UNC5D: variants seen among roughly 807,000 people sequenced by gnomAD.
The protein encoded by UNC5D is unc-5 netrin receptor D, also known as netrin receptor UNC5D.
A neutral mutation model predicts 105.4 loss-of-function variants in UNC5D; 39 were observed. The ratio of observed to expected loss-of-function variants is 0.37; its 90% CI spans 0.29 to 0.48. UNC5D has a LOEUF of 0.48. UNC5D is among the 20% of genes least tolerant of loss of function. The pLI, the probability that UNC5D is intolerant of heterozygous loss-of-function variation, is 0.98. For missense variants in UNC5D, 991 were observed against 1,202.4 expected, an observed-to-expected ratio of 0.82 and a Z score of 2.60; for synonymous variants, 452 against 450.4, an observed-to-expected ratio of 1.00 and a Z score of -0.04.
intron 2 of UNC5D, among the ~76,000 whole-genome samples, chr8:35,556,955 G>T (rs537066120): frequency 1.3e-5 from 2 of 152,260 alleles, no homozygotes; most frequent in Non-Finnish European, 2.9e-5. Flanking sequence ...GATACAAGTG[G>T]TACAATATAT....
At chr8:35,320,211 G>A (rs957570287) in intron 1 of UNC5D, among the ~76,000 whole-genome samples, 2 of 151,946 alleles carry the variant, frequency 1.3e-5, no homozygotes, top group Non-Finnish European at 2.9e-5. Context: ...TCGAAGTGGG[G>A]GTGGGGGGCA....
intron 4 of UNC5D, among the ~76,000 whole-genome samples, chr8:35,608,023 G>A (rs1341211122): frequency 1.3e-5 from 2 of 152,010 alleles, no homozygotes; most frequent in Non-Finnish European, 2.9e-5. Context: ...CTGTAATCCT[G>A]CATGGCCTCA....
At chr8:35,335,075 C>T (rs1056523939) in intron 1 of UNC5D, among the ~76,000 whole-genome samples, 8 of 152,086 alleles carry the variant, frequency 5.3e-5, no homozygotes, top group African/African-American at 1.7e-4. Context: ...AAAATTTTTT[C>T]ACTTTGTTTG....
intron 1 of UNC5D, among the ~76,000 whole-genome samples, chr8:35,273,055 G>A (rs1231281320): frequency 6.6e-6 from 1 of 152,170 alleles, no homozygotes; most frequent in Non-Finnish European, 1.5e-5. Context: ...CTCATGAATG[G>A]GGAGGACAAC....
intron 2 of UNC5D, among the ~76,000 whole-genome samples, chr8:35,550,553 C>A (rs191138657): frequency 6.6e-6 from 1 of 151,980 alleles, no homozygotes; most frequent in African/African-American, 2.4e-5. Flanking sequence ...TATATAGCAA[C>A]GATATTCTAT....
intron 1 of UNC5D, among the ~76,000 whole-genome samples, chr8:35,285,700 G>A (rs1243341810): frequency 6.6e-6 from 1 of 152,164 alleles, no homozygotes; most frequent in Admixed American, 6.5e-5. Context: ...CTTTCTGGGT[G>A]AGCCCCAGTG....
At chr8:35,490,350 A>T (rs767706311) in intron 1 of UNC5D, among the ~76,000 whole-genome samples, 21 of 152,212 alleles carry the variant, frequency 1.4e-4, no homozygotes, top group Non-Finnish European at 2.9e-4. Flanking sequence ...AACTTTTTTT[A>T]AAATTATCCA....
intron 1 of UNC5D, among the ~76,000 whole-genome samples, chr8:35,466,624 C>T (rs947991361): frequency 5.9e-5 from 9 of 151,992 alleles, no homozygotes; most frequent in Non-Finnish European, 1.2e-4. Context: ...TTCTCATGGA[C>T]GCCATTCAAA....
At chr8:35,678,460 T>C (rs1825424766) in intron 4 of UNC5D, among the ~76,000 whole-genome samples, 1 of 152,210 alleles carries the variant, frequency 6.6e-6, no homozygotes, top group African/African-American at 2.4e-5. Flanking sequence ...TAATTTGTTT[T>C]TAGATTATGA....
chr8:35,573,987 C>T (rs2130810929), intron 3 of UNC5D, among the ~76,000 whole-genome samples: 1 of 152,306 alleles, frequency 6.6e-6, no homozygotes, highest in Non-Finnish European at 1.5e-5. Context: ...GGGAACAACT[C>T]CCACGGGCCT....
At chr8:35,382,105 A>G (rs781143460) in intron 1 of UNC5D, among the ~76,000 whole-genome samples, 19 of 152,218 alleles carry the variant, frequency 1.2e-4, no homozygotes, top group Non-Finnish European at 2.4e-4. Flanking sequence ...TACATTTTTA[A>G]GTAACAAGTG....
rs947334928 is a variant in UNC5D, at chr8:35,235,534, G to A, written c.-251G>A. The A allele has an allele frequency of 4.3e-5, 15 of 345,630 alleles. No individual in the cohort carries two copies. The highest frequency in any genetic ancestry group is 2.6e-4 in the African/African-American group (12 of 47,000). The allele number at this position is 345,630 out of a possible 1,614,324, so 21.4% of individuals were successfully genotyped here. ...GGGAACTGCGCGGCGGGGACTGCGG[G>A]CGACTCCGGCATCCGCGCTGGCGGC... On this transcript the variant is annotated 5_prime_UTR_variant, in exon 1 of 17. Transcript: ENST00000404895.
At chr8:35,305,855 C>T (rs1229823661) in intron 1 of UNC5D, among the ~76,000 whole-genome samples, 1 of 115,408 alleles carries the variant, frequency 8.7e-6, no homozygotes, top group African/African-American at 3.2e-5. Context: ...CCCTCCCCCT[C>T]CCTCCCCCTC....
intron 1 of UNC5D, among the ~76,000 whole-genome samples, chr8:35,467,588 A>AG (rs1563446928): frequency 3.1e-4 from 39 of 124,508 alleles, no homozygotes; most frequent in South Asian, 1.2e-3. Context: ...AAAAAAAAAA[A>AG]AAAGAAGAAA....
chr8:35,425,920 A>C (rs7815545), intron 1 of UNC5D, among the ~76,000 whole-genome samples: 66,500 of 151,952 alleles, frequency 0.44, 14,712 homozygotes, highest in East Asian at 0.54. Context: ...GAAGAAACCT[A>C]AAAACCATCT....
intron 1 of UNC5D, among the ~76,000 whole-genome samples, chr8:35,406,845 T>A (rs1804837647): frequency 2.0e-5 from 3 of 152,142 alleles, no homozygotes; most frequent in African/African-American, 7.2e-5. Context: ...AGTTTTATGT[T>A]CATTACACCA....
At chr8:35,252,343 C>G (rs886354120) in intron 1 of UNC5D, among the ~76,000 whole-genome samples, 1 of 152,152 alleles carries the variant, frequency 6.6e-6, no homozygotes, top group African/African-American at 2.4e-5. Context: ...ACATCTTTCA[C>G]TCCTCTACAT....
chr8:35,755,492 G>T (rs988529583), intron 13 of UNC5D, among the ~76,000 whole-genome samples: 1 of 152,100 alleles, frequency 6.6e-6, no homozygotes, highest in Non-Finnish European at 1.5e-5. Context: ...GTGTGTGTGT[G>T]TGTGTAAGTT....
intron 1 of UNC5D, among the ~76,000 whole-genome samples, chr8:35,532,032 T>A (rs1227115050): frequency 2.1e-5 from 3 of 142,840 alleles, no homozygotes; most frequent in African/African-American, 8.0e-5. Context: ...AATTGGAGCA[T>A]TTAGTCCATT....
Sources: gnomAD v4.1 joint callset for allele counts (sites outside exome capture counted in the v4.1 genomes callset) on GRCh38, gnomAD v4.1.1 for gene constraint, MANE v1.5 for transcripts, NCBI Gene and HGNC (gene_info 2026-07-23, HGNC 2026-07-21) for gene names.